The following RFX7 variants were observed in gnomAD, a reference collection of about 807,000 sequenced individuals.
RFX7 encodes the protein regulatory factor X7, also known as DNA-binding protein RFX7.
RFX7 carries 26 observed loss-of-function variants against 111.8 expected under a neutral mutation model. That is an observed-to-expected ratio of 0.23 (90% CI 0.17 to 0.32). The LOEUF is 0.32. Among genes scored for constraint, RFX7 ranks in the 10% least tolerant of loss-of-function variants. The pLI, the probability that RFX7 is intolerant of heterozygous loss-of-function variation, is 1.00. For missense variants in RFX7, 1,573 were observed against 1,772.9 expected (o/e 0.89, Z 2.02); for synonymous variants, 624 against 624.4 (o/e 1.00, Z 0.01).
intron 2 of RFX7, among the ~76,000 whole-genome samples, chr15:56,211,409 A>G (rs1229825887): frequency 6.6e-6 from 1 of 152,180 alleles, no homozygotes; most frequent in African/African-American, 2.4e-5. Context: ...AAATTAACTC[A>G]AATGGATTAC....
chr15:56,139,425 G>A (rs138191962), intron 5 of RFX7, among the ~76,000 whole-genome samples: 3,770 of 152,260 alleles, frequency 0.025, 111 homozygotes, highest in Admixed American at 0.076. Context: ...TGAGGCTTCT[G>A]CATTCTTCAC....
intron 2 of RFX7, among the ~76,000 whole-genome samples, chr15:56,224,118 T>C (rs185600498): frequency 2.7e-4 from 41 of 151,936 alleles, no homozygotes; most frequent in Non-Finnish European, 3.8e-4. Flanking sequence ...TGGTGGGCCA[T>C]GTAGTAAAAT....
chr15:56,142,553 C>G (rs2042414711), intron 5 of RFX7, among the ~76,000 whole-genome samples: 1 of 152,180 alleles, frequency 6.6e-6, no homozygotes, highest in African/African-American at 2.4e-5. Context: ...TCCCTCCTGT[C>G]ATCCTGAAGA....
chr15:56,181,222 G>A (rs542841655), intron 2 of RFX7, among the ~76,000 whole-genome samples: 50 of 152,234 alleles, frequency 3.3e-4, no homozygotes, highest in Non-Finnish European at 6.0e-4. Flanking sequence ...ATAGCTCCGC[G>A]GCAGGAGTGG....
At chr15:56,141,050 T>C (rs561951134) in intron 5 of RFX7, among the ~76,000 whole-genome samples, 1 of 152,344 alleles carries the variant, frequency 6.6e-6, no homozygotes, top group East Asian at 1.9e-4. Context: ...ATTTGCCCAA[T>C]GTGCCTTTTG....
chr15:56,242,978 C>T, intron 2 of RFX7, 147 bp downstream of exon 2: 1 of 571,952 alleles, frequency 1.7e-6, no homozygotes, highest in Non-Finnish European at 2.8e-6. Flanking sequence ...CTCCAGAGAT[C>T]CTACAAATGT....
intron 3 of RFX7, among the ~76,000 whole-genome samples, chr15:56,177,896 C>T (rs1339296205): frequency 6.6e-6 from 1 of 152,116 alleles, no homozygotes; most frequent in African/African-American, 2.4e-5. Context: ...ACTCCCTCCA[C>T]TCCCAGTCAC....
intron 2 of RFX7, among the ~76,000 whole-genome samples, chr15:56,242,716 G>A (rs1438463071): frequency 2.0e-5 from 3 of 152,140 alleles, no homozygotes; most frequent in African/African-American, 7.2e-5. Context: ...CACAGTATCT[G>A]TTTGGTGAAA....
intron 2 of RFX7, among the ~76,000 whole-genome samples, chr15:56,231,009 T>G (rs1251170330): frequency 1.3e-5 from 2 of 151,692 alleles, no homozygotes; most frequent in Non-Finnish European, 2.9e-5. Context: ...TAAATAGGGT[T>G]TGGAGACAAG....
chr15:56,225,516 A>C (rs1323811549), intron 2 of RFX7, among the ~76,000 whole-genome samples: 3 of 152,162 alleles, frequency 2.0e-5, no homozygotes, highest in African/African-American at 7.2e-5. Context: ...GCAAGACATA[A>C]ATCGTACTTC....
At chr15:56,198,851 A>T (rs903752671) in intron 2 of RFX7, among the ~76,000 whole-genome samples, 3 of 152,148 alleles carry the variant, frequency 2.0e-5, no homozygotes, top group Non-Finnish European at 4.4e-5. Flanking sequence ...TACATTCGAA[A>T]TTTTTTACAA....
At position 56,095,481 on chromosome 15, in the gene RFX7, G is replaced by T. The variant is rs866685858; in HGVS notation, c.2247C>A (p.Thr749=). The T allele has an allele frequency of 5.6e-6, 9 of 1,612,404 alleles. No homozygotes were observed. The Admixed American group carries it at 1.5e-4, about 27-fold the overall frequency. The change falls in exon 10 of 10, where the codon ACC becomes ACA. Residue 749 remains threonine, a synonymous_variant. Coordinates refer to ENST00000559447, the MANE Select transcript of RFX7 (RefSeq NM_022841.7). ...ISDSALEQQT[T]PSSSPDIKVK... is the part of the protein sequence containing the mutation. ...CTTTTATATCTGGAGATGATGATGG[G>T]GTTGTTTGCTGTTCCAAAGCTGAAT...
chr15:56,217,703 CATG>C (rs2043377064), intron 2 of RFX7, among the ~76,000 whole-genome samples: 2 of 152,252 alleles, frequency 1.3e-5, no homozygotes, highest in African/African-American at 4.8e-5. Flanking sequence ...AGCTGAAGTG[CATG>C]ATATGTACAA....
In RFX7 at chr15:56,089,351, AG is replaced by A. The variant is rs1216628118; in HGVS notation, c.*3993del. ...TGAGGTAATAGACACAGCAAAGCAA[AG>A]CTGAAGATGATGGAACAGAAACACA... On this transcript the variant is annotated 3_prime_UTR_variant, in exon 10 of 10. Transcript: ENST00000559447. 6.6e-6 allele frequency: 1 copy of A among 152,616 alleles called. No homozygotes were observed. Among genetic ancestry groups the A allele is most frequent in the Non-Finnish European group, 1.5e-5 (1 of 68,042 alleles). 9.5% of individuals were successfully genotyped at this position (152,616 alleles called of 1,614,324 possible).
intron 2 of RFX7, among the ~76,000 whole-genome samples, chr15:56,217,781 A>C (rs1443417790): frequency 6.6e-6 from 1 of 152,212 alleles, no homozygotes; most frequent in African/African-American, 2.4e-5. Context: ...ATTTGGTAGC[A>C]ACATATTCAG....
intron 3 of RFX7, among the ~76,000 whole-genome samples, chr15:56,178,806 A>G (rs369912962): frequency 2.3e-4 from 35 of 152,274 alleles, no homozygotes; most frequent in Middle Eastern, 3.4e-3. Context: ...GCTGTTTTTG[A>G]AAACAAATTT....
intron 2 of RFX7, among the ~76,000 whole-genome samples, chr15:56,229,292 G>A (rs991473517): frequency 1.3e-5 from 2 of 152,120 alleles, no homozygotes; most frequent in Non-Finnish European, 2.9e-5. Flanking sequence ...TTGAGTTGGA[G>A]TCTCGCTCTG....
intron 3 of RFX7, among the ~76,000 whole-genome samples, chr15:56,172,949 A>G (rs930089536): frequency 1.3e-5 from 2 of 152,222 alleles, no homozygotes; most frequent in Non-Finnish European, 2.9e-5. Context: ...ATCAGAAACA[A>G]GTGTTTTCAG....
At position 56,138,035 on chromosome 15, in the gene RFX7, G is replaced by C. The variant is rs879693965; in HGVS notation, c.401+4743C>G. On this transcript the variant is annotated intron_variant, in intron 5 of 9. Transcript: ENST00000559447. ...TTGCTGAGGAGAGCTTTACTTCCAA[G>C]TATGTGGTCAATTTTGGAATAGGTG... 2.3e-3 allele frequency among the ~76,000 whole-genome samples: 346 copies of C among 148,134 alleles called. 1 individual carries two copies. Among genetic ancestry groups the C allele is most frequent in the African/African-American group, 5.4e-3 (216 of 40,358 alleles).
Sources: gnomAD v4.1 joint callset for allele counts (sites outside exome capture counted in the v4.1 genomes callset) on GRCh38, gnomAD v4.1.1 for gene constraint, MANE v1.5 for transcripts, NCBI Gene and HGNC (gene_info 2026-07-23, HGNC 2026-07-21) for gene names.